Variants in DYNC1I1 observed in about 807,000 individuals in gnomAD.
DYNC1I1 encodes dynein cytoplasmic 1 intermediate chain 1.
In DYNC1I1, 43 loss-of-function variants were observed where a neutral mutation model predicts 86.6. That is an observed-to-expected ratio of 0.50 (90% CI 0.39 to 0.64). The LOEUF is 0.64. Ranked by LOEUF, DYNC1I1 falls within the 30% of genes least tolerant of loss-of-function variation. DYNC1I1 has a pLI of 0.00. For synonymous variants in DYNC1I1, 262 were observed against 283.7 expected, an observed-to-expected ratio of 0.92 and a Z score of 0.77; for missense variants, 604 against 788.8, an observed-to-expected ratio of 0.77 and a Z score of 2.81.
intron 5 of DYNC1I1, among the ~76,000 whole-genome samples, chr7:95,829,089 C>G (rs1043134236): frequency 6.6e-6 from 1 of 152,126 alleles, no homozygotes; most frequent in African/African-American, 2.4e-5. Flanking sequence ...ATTATCTTTT[C>G]TTTCTAAATA....
intron 16 of DYNC1I1, among the ~76,000 whole-genome samples, chr7:96,103,652 G>A (rs185790792): frequency 2.0e-5 from 3 of 149,702 alleles, no homozygotes; most frequent in East Asian, 2.0e-4. Context: ...TCGCTCTGTC[G>A]CCCAAGCTGG....
At chr7:96,083,756 G>T (rs868503265) in intron 16 of DYNC1I1, among the ~76,000 whole-genome samples, 1 of 152,150 alleles carries the variant, frequency 6.6e-6, no homozygotes. Context: ...AGACTAAATT[G>T]CCAGTAGGCT....
intron 14 of DYNC1I1, among the ~76,000 whole-genome samples, chr7:96,065,244 T>TA (rs1456165123): frequency 6.6e-6 from 1 of 152,110 alleles, no homozygotes; most frequent in Non-Finnish European, 1.5e-5. Context: ...CTAGCCCAGT[T>TA]ATGTTCTCCT....
chr7:96,075,826 C>T (rs1396205382), intron 14 of DYNC1I1, among the ~76,000 whole-genome samples: 1 of 152,086 alleles, frequency 6.6e-6, no homozygotes, highest in Non-Finnish European at 1.5e-5. Context: ...ACCGCCTCCC[C>T]ACCCCCGGTC....
rs369073994 is a variant in DYNC1I1 at position 95,801,940 on chromosome 7, A to G, written c.-9-2781A>G. On this transcript the variant is annotated intron_variant, in intron 1 of 16. Coordinates refer to ENST00000447467, the MANE Select transcript of DYNC1I1 (RefSeq NM_001135556.2). ...ACCCTCAGTCGGACCTGGTGGATCT[A>G]CCTCCTGAGGACAGGGCATTTCCTC... 5.9e-5 allele frequency among the ~76,000 whole-genome samples: 9 copies of G among 152,162 alleles called. No individual in the cohort carries two copies. In the South Asian group the frequency reaches 1.9e-3, roughly 32 times the overall value.
In DYNC1I1 at chr7:95,951,944, T is replaced by C. The variant is rs988207594; in HGVS notation, c.491-25568T>C. On this transcript the variant is annotated intron_variant, in intron 6 of 16. Transcript: ENST00000447467. ...TGGAACATATTCCTTTTAATCTCTA[T>C]CGGAATCATGTATGTTTCATTATTT... 5.3e-5 allele frequency among the ~76,000 whole-genome samples: 8 copies of C among 152,286 alleles called. No homozygotes were observed. The East Asian group carries it at 1.3e-3, about 26-fold the overall frequency.
chr7:96,016,916 G>C lies in DYNC1I1; in HGVS notation c.970-11259G>C, dbSNP rs148443724. ...TCTCAGCTCTGAATTTAGAGAAGTC[G>C]TGTGGCTGACTCCCTTAGTGTCACT... On this transcript the variant is annotated intron_variant, in intron 10 of 16. Coordinates refer to ENST00000447467, the MANE Select transcript of DYNC1I1 (RefSeq NM_001135556.2). Among the ~76,000 whole-genome samples the C allele has an allele frequency of 2.4e-3, 373 of 152,260 alleles. 1 individual carries two copies. The highest frequency in any genetic ancestry group is 4.1e-3 in the Non-Finnish European group (278 of 68,020).
chr7:95,849,517 T>C (rs1789522296), intron 5 of DYNC1I1, among the ~76,000 whole-genome samples: 1 of 152,040 alleles, frequency 6.6e-6, no homozygotes, highest in Non-Finnish European at 1.5e-5. Flanking sequence ...TAAAAAAAAT[T>C]GGTTGGCTGT....
intron 6 of DYNC1I1, among the ~76,000 whole-genome samples, chr7:95,974,462 G>A (rs319303): frequency 0.25 from 38,459 of 152,136 alleles, 5,534 homozygotes; most frequent in East Asian, 0.65. Flanking sequence ...TTACAACAAC[G>A]TGTTTTAAGG....
chr7:96,046,967 A>G (rs951331789), intron 14 of DYNC1I1, among the ~76,000 whole-genome samples: 5 of 152,180 alleles, frequency 3.3e-5, no homozygotes, highest in Non-Finnish European at 7.3e-5. Flanking sequence ...GGGTTCTATA[A>G]CAAAACAACT....
At chr7:95,832,510 T>C (rs1172883933) in intron 5 of DYNC1I1, among the ~76,000 whole-genome samples, 3 of 151,942 alleles carry the variant, frequency 2.0e-5, no homozygotes, top group African/African-American at 7.3e-5. Context: ...GGTCAAATGG[T>C]ATTTCTAGTT....
intron 5 of DYNC1I1, among the ~76,000 whole-genome samples, chr7:95,859,998 A>T (rs1048537423): frequency 6.6e-6 from 1 of 152,138 alleles, no homozygotes; most frequent in African/African-American, 2.4e-5. Flanking sequence ...GCCCTCTTCA[A>T]TGTGTATTTT....
intron 5 of DYNC1I1, among the ~76,000 whole-genome samples, chr7:95,854,117 A>C (rs932732408): frequency 1.3e-5 from 2 of 152,134 alleles, no homozygotes; most frequent in African/African-American, 4.8e-5. Context: ...TGATTGGAGA[A>C]TTTAATCCAT....
intron 10 of DYNC1I1, among the ~76,000 whole-genome samples, chr7:96,015,730 T>C (rs1285779617): frequency 6.6e-6 from 1 of 152,150 alleles, no homozygotes; most frequent in African/African-American, 2.4e-5. Flanking sequence ...TTTTCTATGC[T>C]GCAGCCATTC....
chr7:95,984,086 G>A (rs779441247), intron 7 of DYNC1I1, among the ~76,000 whole-genome samples: 1 of 152,140 alleles, frequency 6.6e-6, no homozygotes, highest in Non-Finnish European at 1.5e-5. Context: ...ACTATGACAT[G>A]CTACTAGTTA....
chr7:95,823,614 G>A (rs117217413), intron 4 of DYNC1I1, among the ~76,000 whole-genome samples: 9 of 151,948 alleles, frequency 5.9e-5, no homozygotes, highest in Admixed American at 4.6e-4. Context: ...TGGTACTGCC[G>A]GGTAGGGGAA....
chr7:95,972,569 G>T (rs1793202806), intron 6 of DYNC1I1, among the ~76,000 whole-genome samples: 1 of 151,936 alleles, frequency 6.6e-6, no homozygotes, highest in Admixed American at 6.6e-5. Flanking sequence ...ATATGCCCCA[G>T]ACAGAAAGGG....
intron 2 of DYNC1I1, among the ~76,000 whole-genome samples, chr7:95,807,898 C>T (rs935062328): frequency 6.6e-6 from 1 of 152,006 alleles, no homozygotes; most frequent in Non-Finnish European, 1.5e-5. Context: ...GGGCTATATG[C>T]TTTTGTTGTT....
chr7:95,812,044 C>T (rs16868930), intron 3 of DYNC1I1, among the ~76,000 whole-genome samples: 23,261 of 152,136 alleles, frequency 0.15, 1,833 homozygotes, highest in East Asian at 0.21. Flanking sequence ...GCCCTGTTTT[C>T]ATTTTTCAGC....
Sources: gnomAD v4.1 joint callset for allele counts (sites outside exome capture counted in the v4.1 genomes callset) on GRCh38, gnomAD v4.1.1 for gene constraint, MANE v1.5 for transcripts, NCBI Gene and HGNC (gene_info 2026-07-23, HGNC 2026-07-21) for gene names.